Variants in TMEM131 observed in about 807,000 individuals in gnomAD.
TMEM131 encodes the protein 2610524E03Rik.
In TMEM131, 66 loss-of-function variants were observed where a neutral mutation model predicts 211.6. That is an observed-to-expected ratio of 0.31 (90% CI 0.26 to 0.38). The LOEUF (loss-of-function observed/expected upper bound fraction) is 0.38, where lower values mean the gene tolerates loss of function less well. TMEM131 is among the 10% of genes least tolerant of loss of function. TMEM131 has a pLI of 1.00. For missense variants in TMEM131, 2,036 were observed against 2,299.3 expected (o/e 0.89, Z 2.34); for synonymous variants, 844 against 841.3 (o/e 1.00, Z -0.06).
intron 4 of TMEM131, among the ~76,000 whole-genome samples, chr2:97,880,855 C>T (rs1004984286): frequency 1.3e-5 from 2 of 152,098 alleles, no homozygotes; most frequent in African/African-American, 4.8e-5. Flanking sequence ...AACATAAACC[C>T]TTGAAAGATA....
At chr2:97,895,934 TC>T (rs1675593653) in intron 3 of TMEM131, among the ~76,000 whole-genome samples, 1 of 152,208 alleles carries the variant, frequency 6.6e-6, no homozygotes, top group African/African-American at 2.4e-5. Flanking sequence ...CTTTTGCTTC[TC>T]TAGTTCTTTT....
chr2:97,946,310 G>A (rs1452508186), intron 1 of TMEM131, among the ~76,000 whole-genome samples: 2 of 151,784 alleles, frequency 1.3e-5, no homozygotes, highest in Admixed American at 6.5e-5. Context: ...GAGAAAAATC[G>A]AAGGAAACAA....
chr2:97,760,757 C>CCTGGCGT (rs1299378613), intron 37 of TMEM131, 36 bp downstream of exon 37: 15 of 1,613,678 alleles, frequency 9.3e-6, no homozygotes, highest in East Asian at 4.5e-5. Flanking sequence ...AGGCCTGGCG[C>CCTGGCGT]CTGGCGTGGC....
intron 1 of TMEM131, 120 bp downstream of exon 1, chr2:97,995,356 C>A (rs917088529): frequency 6.7e-6 from 7 of 1,051,762 alleles, no homozygotes; most frequent in Non-Finnish European, 6.1e-6. Flanking sequence ...GGACGGTACC[C>A]GACCGCCCAA....
chr2:97,790,077 G>A lies in TMEM131; in HGVS notation c.4144+2309C>T, dbSNP rs140798811. Among the ~76,000 whole-genome samples, 483 of 151,976 alleles carry A rather than the reference G, an allele frequency of 3.2e-3. 2 individuals carry two copies. The highest frequency in any genetic ancestry group is 0.011 in the African/African-American group (460 of 41,486). On this transcript the variant is annotated intron_variant, in intron 31 of 40. Transcript: ENST00000186436. ...ATTTTAGTATGAGATACCAGGGGGAGAAAAAAAAGAACGTGTTGCCTCTAA... is the reference window on the plus strand; with the variant it reads ...ATTTTAGTATGAGATACCAGGGGGAAAAAAAAAAGAACGTGTTGCCTCTAA...
At chr2:97,793,112 T>A in intron 30 of TMEM131, 128 bp from the exon 31 acceptor site, 1 of 723,146 alleles carries the variant, frequency 1.4e-6, no homozygotes, top group Non-Finnish European at 2.2e-6. Flanking sequence ...TAGCAAGAAA[T>A]AGGGAAATTT....
At chr2:97,893,466 C>T (rs1675470550) in intron 3 of TMEM131, among the ~76,000 whole-genome samples, 1 of 152,214 alleles carries the variant, frequency 6.6e-6, no homozygotes, top group Non-Finnish European at 1.5e-5. Context: ...GGAATCACCA[C>T]ACTGTCTTCC....
chr2:97,963,552 T>C (rs1013660280), intron 1 of TMEM131, among the ~76,000 whole-genome samples: 1 of 152,118 alleles, frequency 6.6e-6, no homozygotes, highest in Non-Finnish European at 1.5e-5. Flanking sequence ...CTGTCTCTAC[T>C]AAAATTACAA....
intron 3 of TMEM131, among the ~76,000 whole-genome samples, chr2:97,899,714 C>A (rs1468598688): frequency 6.6e-6 from 1 of 152,052 alleles, no homozygotes; most frequent in South Asian, 2.1e-4. Context: ...ACTCACCAAC[C>A]CCACTTCCAG....
intron 4 of TMEM131, among the ~76,000 whole-genome samples, chr2:97,880,652 A>G (rs1020652889): frequency 5.1e-4 from 77 of 152,128 alleles, no homozygotes; most frequent in African/African-American, 1.8e-3. Context: ...GATACAGAAG[A>G]GCAAGACATG....
At chr2:97,761,975 GT>G in intron 36 of TMEM131, 59 bp downstream of exon 36, 1 of 1,481,008 alleles carries the variant, frequency 6.8e-7, no homozygotes, top group Non-Finnish European at 9.0e-7. Context: ...TTTAAAGGGT[GT>G]GACATCGGGT....
chr2:97,871,458 G>A (rs539535768), intron 4 of TMEM131, among the ~76,000 whole-genome samples: 11 of 152,316 alleles, frequency 7.2e-5, no homozygotes, highest in East Asian at 3.9e-4. Context: ...TGAGATAACC[G>A]GACATTGTCT....
At chr2:97,987,227 A>T (rs1680064357) in intron 1 of TMEM131, among the ~76,000 whole-genome samples, 1 of 152,222 alleles carries the variant, frequency 6.6e-6, no homozygotes, top group South Asian at 2.1e-4. Flanking sequence ...AATAGTCACA[A>T]ATTGGCCAGG....
chr2:97,944,237 T>C (rs1677931156), intron 1 of TMEM131, among the ~76,000 whole-genome samples: 1 of 151,880 alleles, frequency 6.6e-6, no homozygotes, highest in Non-Finnish European at 1.5e-5. Context: ...AAAAGAACAA[T>C]CTTCTCAACA....
In TMEM131 at chr2:97,954,527, G is replaced by A. The variant is rs990473475; in HGVS notation, c.188-27040C>T. Reference sequence around the variant, plus strand: ...ATTTGTGAAGAGAAAGATCTCAGCCGGGCGCAGTGGCTCACGCCTGTAATC... The same window carrying A: ...ATTTGTGAAGAGAAAGATCTCAGCCAGGCGCAGTGGCTCACGCCTGTAATC... On this transcript the variant is annotated intron_variant, in intron 1 of 40. Transcript: ENST00000186436. Among the ~76,000 whole-genome samples, 13 of 152,120 alleles carry A rather than the reference G, an allele frequency of 8.5e-5. No homozygotes were observed. The East Asian group carries it at 2.3e-3, about 27-fold the overall frequency.
chr2:97,923,907 C>T (rs1676862419), intron 2 of TMEM131, among the ~76,000 whole-genome samples: 1 of 151,926 alleles, frequency 6.6e-6, no homozygotes, highest in Non-Finnish European at 1.5e-5. Context: ...GGTGAAACCC[C>T]GTCTCTACTA....
At chr2:97,758,718 G>C (rs1413635934) in intron 40 of TMEM131, among the ~76,000 whole-genome samples, 175 bp downstream of exon 40, 1 of 152,264 alleles carries the variant, frequency 6.6e-6, no homozygotes, top group African/African-American at 2.4e-5. Flanking sequence ...ACATCGATCA[G>C]TCATTTTGAC....
chr2:97,962,533 G>T (rs947956227), intron 1 of TMEM131, among the ~76,000 whole-genome samples: 1 of 152,056 alleles, frequency 6.6e-6, no homozygotes, highest in Non-Finnish European at 1.5e-5. Flanking sequence ...ATACCACTAA[G>T]TACCCACTGA....
intron 4 of TMEM131, among the ~76,000 whole-genome samples, chr2:97,882,277 C>T (rs137861385): frequency 0.01 from 1,525 of 152,276 alleles, 14 homozygotes; most frequent in South Asian, 0.024. Flanking sequence ...GTAATATTAT[C>T]TCCTTAGAGA....
Sources: allele counts gnomAD v4.1 joint callset (sites outside exome capture counted in the v4.1 genomes callset), GRCh38; gene constraint gnomAD v4.1.1; transcripts MANE v1.5; gene names NCBI Gene and HGNC (gene_info 2026-07-23, HGNC 2026-07-21).